Variants in PMPCB observed in about 807,000 individuals in gnomAD.
PMPCB encodes the protein peptidase, mitochondrial processing subunit beta, also known as mitochondrial-processing peptidase subunit beta.
Under a neutral mutation model 61.5 loss-of-function variants are expected in PMPCB, and 46 were observed. The ratio of observed to expected loss-of-function variants is 0.75; its 90% CI spans 0.59 to 0.96. PMPCB has a LOEUF of 0.96. Ranked by LOEUF, PMPCB falls within the 40% of genes least tolerant of loss-of-function variation. The pLI is 0.00. For missense variants in PMPCB, 590 were observed against 602.4 expected (o/e 0.98, Z 0.22); for synonymous variants, 191 against 201.6 (o/e 0.95, Z 0.44).
At chr7:103,344,369 A>G in the PMPCB span, 8 of 617,188 alleles carry the variant, frequency 1.3e-5, no homozygotes, top group African/African-American at 1.3e-4. Context: ...GGCACCCCTC[A>G]CCCTCCTTCC....
intron 12 of PMPCB, chr7:103,319,833 A>C: frequency 6.2e-7 from 1 of 1,614,156 alleles, no homozygotes; most frequent in Non-Finnish European, 8.5e-7. Flanking sequence ...TATCAGAAAA[A>C]TGATTCCAGG....
At chr7:103,317,180 C>T, downstream of PMPCB, 1 of 630,036 alleles carries the variant, frequency 1.6e-6, no homozygotes, top group Non-Finnish European at 2.7e-6. Context: ...TTCACTCTGG[C>T]TTCCAGTCTG....
Position 103,313,709 on chromosome 7 carries a change from A to G in PMPCB, c.*1438A>G, listed in dbSNP as rs563865281. ...TGGGAGCCGATGCTGAACACTTCCAATAACTGCTATTGTGGTTCTTCAACT... is the reference window on the plus strand; with the variant it reads ...TGGGAGCCGATGCTGAACACTTCCAGTAACTGCTATTGTGGTTCTTCAACT... On this transcript the variant is annotated 3_prime_UTR_variant, in exon 13 of 13. Coordinates refer to ENST00000249269, the MANE Select transcript of PMPCB (RefSeq NM_004279.3). The G allele has an allele frequency of 4.1e-6, 4 of 985,410 alleles. No individual in the cohort carries two copies. The highest frequency in any genetic ancestry group is 2.3e-4 in the East Asian group (2 of 8,818). 61.0% of individuals were successfully genotyped at this position (985,410 alleles called of 1,614,324 possible).
chr7:103,330,650 C>T (rs144521015), downstream of PMPCB, among the ~76,000 whole-genome samples: 2,063 of 152,044 alleles, frequency 0.014, 17 homozygotes, highest in Middle Eastern at 0.031. Context: ...CAGGGTTTCA[C>T]CATGTTGGCC....
chr7:103,322,580 T>G, intron 12 of PMPCB: 1 of 1,607,658 alleles, frequency 6.2e-7, no homozygotes. Context: ...CTTTCTTGGC[T>G]TTTTCTTCTT....
chr7:103,319,513 C>A (rs1013967122), downstream of PMPCB: 48 of 1,118,352 alleles, frequency 4.3e-5, no homozygotes, highest in African/African-American at 5.8e-4. Context: ...AAATCAGATA[C>A]TCCCTGCACT....
rs142265339 is a variant in PMPCB, at chr7:103,322,317, A to G, written c.*1432-6614A>G. The stretch of plus-strand genomic sequence containing the variant: ...ATAATATTAAAGGAACTTATGACAC[A>G]ATTTTTTGCTCAATAAAAACGTGCT... On this transcript the variant is annotated intron_variant and NMD_transcript_variant, in intron 12 of 12. Coordinates refer to the PMPCB transcript ENST00000444457. Among the ~76,000 whole-genome samples the G allele has an allele frequency of 2.2e-3, 335 of 152,288 alleles. 3 individuals are homozygous for G. The highest frequency in any genetic ancestry group is 7.6e-3 in the African/African-American group (314 of 41,566).
chr7:103,309,957 C>G (rs1817690873), intron 8 of PMPCB, among the ~76,000 whole-genome samples: 1 of 152,210 alleles, frequency 6.6e-6, no homozygotes, highest in African/African-American at 2.4e-5. Flanking sequence ...TACATTTCAT[C>G]TAAATAATCT....
At chr7:103,298,058 C>A in intron 1 of PMPCB, 1 of 515,594 alleles carries the variant, frequency 1.9e-6, no homozygotes, top group Non-Finnish European at 2.8e-6. Flanking sequence ...TGCTGAAAGG[C>A]GAATAGTTTC....
downstream of PMPCB, among the ~76,000 whole-genome samples, chr7:103,331,488 C>T (rs1400339753): frequency 1.3e-5 from 2 of 152,048 alleles, no homozygotes; most frequent in South Asian, 2.1e-4. Flanking sequence ...ATCCATTGAC[C>T]AACCTCTCTT....
intron 11 of PMPCB, 30 bp downstream of exon 11, chr7:103,311,926 T>G: frequency 6.5e-7 from 1 of 1,534,488 alleles, no homozygotes; most frequent in Non-Finnish European, 8.9e-7. Context: ...TATTGGGTCA[T>G]GTGTAAAAAG....
chr7:103,314,050 C>A lies in PMPCB; in HGVS notation c.*1779C>A. 1 of 985,178 alleles carries A rather than the reference C, an allele frequency of 1.0e-6. No individual in the cohort carries two copies. The highest frequency in any genetic ancestry group is 4.7e-5 in the South Asian group (1 of 21,280). 61.0% of individuals were successfully genotyped at this position (985,178 alleles called of 1,614,324 possible). On this transcript the variant is annotated 3_prime_UTR_variant, in exon 13 of 13. Coordinates refer to ENST00000249269, the MANE Select transcript of PMPCB (RefSeq NM_004279.3). ...AAAACAAAACAAAACAAAACAAAAC[C>A]ACCACCTATTCAAAACAAAGCAGAG...
the PMPCB span, chr7:103,341,973 A>G: frequency 3.3e-6 from 5 of 1,532,954 alleles, no homozygotes; most frequent in East Asian, 1.1e-4. Context: ...GAAAGTGTTA[A>G]GAGAGGCTTC....
chr7:103,316,570 C>A, downstream of PMPCB: 1 of 421,248 alleles, frequency 2.4e-6, no homozygotes, highest in South Asian at 4.2e-5. Context: ...ACAGAGTAAG[C>A]CAACATAAAT....
rs1003178993 is a variant in PMPCB, at chr7:103,322,413, C to T, written c.*1432-6518C>T. ...ACAGTAGCACCCAATTCTCTGCTTT[C>T]GAATTATAGTTTTTTTTAAAAAAAG... is the stretch of plus-strand genomic sequence containing the variant. On this transcript the variant is annotated intron_variant and NMD_transcript_variant, in intron 12 of 12. Coordinates refer to the PMPCB transcript ENST00000444457. 2.5e-5 allele frequency: 31 copies of T among 1,219,640 alleles called. No individual in the cohort carries two copies. The East Asian group carries it at 2.5e-4, about 10-fold the overall frequency. The allele number at this position is 1,219,640 out of a possible 1,614,324, so 75.6% of individuals were successfully genotyped here. A position where few individuals can be genotyped will look rare whatever the true frequency, so the allele number is the denominator to read the frequency against.
rs545993454 is a variant in PMPCB at position 103,326,467 on chromosome 7, G to C, written c.*1432-2464G>C. The C allele has an allele frequency of 2.3e-4, 332 of 1,413,528 alleles. 1 individual carries two copies. Among genetic ancestry groups the C allele is most frequent in the Non-Finnish European group, 3.0e-4 (307 of 1,012,398 alleles). 87.6% of individuals were successfully genotyped at this position (1,413,528 alleles called of 1,614,324 possible). ...CTATAAATGAAACTATTATCAGAGG[G>C]AAAGAGCAGAAACCTGGAAGACTAC... is the stretch of plus-strand genomic sequence containing the variant. On this transcript the variant is annotated intron_variant and NMD_transcript_variant, in intron 12 of 12. Coordinates refer to the PMPCB transcript ENST00000444457.
At chr7:103,316,979 T>G, downstream of PMPCB, 1 of 1,613,826 alleles carries the variant, frequency 6.2e-7, no homozygotes, top group South Asian at 1.1e-5. Context: ...CAGCTTCCTC[T>G]TTCTCTTTTC....
downstream of PMPCB, chr7:103,317,290 A>C: frequency 2.8e-6 from 1 of 352,026 alleles, no homozygotes; most frequent in Non-Finnish European, 5.1e-6. Context: ...CTAATTGACA[A>C]GTCTGTGGGT....
downstream of PMPCB, among the ~76,000 whole-genome samples, chr7:103,334,176 C>A (rs546554881): frequency 5.9e-5 from 9 of 152,064 alleles, no homozygotes; most frequent in Admixed American, 5.9e-4. Context: ...TGGTCTCGAT[C>A]TCCTGACCTC....
Sources: allele counts gnomAD v4.1 joint callset (sites outside exome capture counted in the v4.1 genomes callset), GRCh38; gene constraint gnomAD v4.1.1; transcripts MANE v1.5; gene names NCBI Gene and HGNC (gene_info 2026-07-23, HGNC 2026-07-21).